Variants in PRDM16 observed in about 807,000 individuals in gnomAD.
PRDM16 encodes the protein histone-lysine N-methyltransferase PRDM16.
A neutral mutation model predicts 110.6 loss-of-function variants in PRDM16; 23 were observed. That is an observed-to-expected ratio of 0.21 (90% confidence interval 0.15 to 0.29). PRDM16 has a LOEUF of 0.29. Ranked by LOEUF, PRDM16 falls within the 10% of genes least tolerant of loss-of-function variation. The pLI is 1.00. For missense variants in PRDM16, 1,615 were observed against 1,794.3 expected, an observed-to-expected ratio of 0.90 and a Z score of 1.81; for synonymous variants, 799 against 781.8, an observed-to-expected ratio of 1.02 and a Z score of -0.37.
chr1:3,177,823 T>A (rs753530054), intron 1 of PRDM16, among the ~76,000 whole-genome samples: 18 of 152,222 alleles, frequency 1.2e-4, no homozygotes, highest in Non-Finnish European at 2.4e-4. Context: ...TGGCCTGAAC[T>A]GATCAGTAAG....
In PRDM16 at chr1:3,426,138, A is replaced by G; in HGVS notation, c.3197A>G (p.Asp1066Gly). ...TSESDNHALL[D>G]EKEDSYFSEI... ...GAGTCGGACAACCACGCACTTTTAG[A>G]CGAGAAAGAAGACTCTTATTTCTCG... Residue 1066 changes from aspartate to glycine, a missense_variant, in exon 14 of 17, where the codon GAC (aspartate) becomes GGC (glycine). By Grantham distance (94) the Asp-to-Gly change is moderately conservative. Coordinates refer to ENST00000270722, the MANE Select transcript of PRDM16 (RefSeq NM_022114.4). The G allele has an allele frequency of 6.2e-7, 1 of 1,613,924 alleles. No homozygotes were observed. The highest frequency in any genetic ancestry group is 1.1e-5 in the South Asian group (1 of 91,078).
At chr1:3,328,196 T>C (rs536605409) in intron 3 of PRDM16, among the ~76,000 whole-genome samples, 49 of 152,354 alleles carry the variant, frequency 3.2e-4, no homozygotes, top group African/African-American at 1.0e-3. Context: ...ACCACAGCCC[T>C]GTCCACACCC....
chr1:3,199,226 C>T (rs746504269), intron 2 of PRDM16, among the ~76,000 whole-genome samples: 3 of 152,088 alleles, frequency 2.0e-5, no homozygotes, highest in Non-Finnish European at 2.9e-5. Flanking sequence ...CATGGGGTGC[C>T]GCCGAGGAGC....
Position 3,385,128 on chromosome 1 carries a change from C to T in PRDM16, c.439-24C>T, listed in dbSNP as rs1643174235. The T allele has an allele frequency of 1.9e-6, 3 of 1,612,932 alleles. No homozygotes were observed. The East Asian group carries it at 6.7e-5, about 36-fold the overall frequency. ...TCCAGCACACAGGGCACCTCTGACT[C>T]CCGCTTCGCTTTCCTCCCAGCAGAT... On this transcript the variant is annotated intron_variant, in intron 3 of 16. Coordinates refer to ENST00000270722, the MANE Select transcript of PRDM16 (RefSeq NM_022114.4).
Position 3,247,112 on chromosome 1 carries a change from T to G in PRDM16, c.438+2975T>G, listed in dbSNP as rs549093919. 6.6e-5 allele frequency among the ~76,000 whole-genome samples: 10 copies of G among 152,258 alleles called. No individual in the cohort carries two copies. The South Asian group carries it at 2.1e-3, about 32-fold the overall frequency. ...TAGTTTGGGTCACCCAAAGGCACAC[T>G]TGGGAACATTAAAAACCTCATAGGG... On this transcript the variant is annotated intron_variant, in intron 3 of 16. Transcript: ENST00000270722.
rs776479768 is a variant in PRDM16, at chr1:3,411,574, G to A, written c.1377G>A (p.Pro459=). ...ACACGCCGGGCGGCATCTTTGCCCCGGGCCTGCCCTTGACCCCCAGCCCCA... is the reference window on the plus strand; with the variant it reads ...ACACGCCGGGCGGCATCTTTGCCCCAGGCCTGCCCTTGACCCCCAGCCCCA... ...NHYTPGGIFA[P]GLPLTPSPMM... The change falls in exon 9 of 17, where the codon CCG becomes CCA. Residue 459 remains proline (P), a synonymous_variant. Coordinates refer to ENST00000270722, the MANE Select transcript of PRDM16 (RefSeq NM_022114.4). 2.7e-5 allele frequency: 43 copies of A among 1,613,894 alleles called. No homozygotes were observed. In the African/African-American group the frequency reaches 3.7e-4, roughly 14 times the overall value.
At chr1:3,299,311 G>A (rs552692860) in intron 3 of PRDM16, among the ~76,000 whole-genome samples, 13 of 103,008 alleles carry the variant, frequency 1.3e-4, no homozygotes, top group African/African-American at 3.6e-4. Flanking sequence ...TGATGTTTCA[G>A]ATCCCAGTCG....
At chr1:3,096,025 C>T (rs919015770) in intron 1 of PRDM16, among the ~76,000 whole-genome samples, 1 of 152,076 alleles carries the variant, frequency 6.6e-6, no homozygotes, top group Non-Finnish European at 1.5e-5. Flanking sequence ...CCCCACTTTC[C>T]TGCAAAGCCC....
At chr1:3,419,177 C>A (rs1182790877) in intron 12 of PRDM16, among the ~76,000 whole-genome samples, 1 of 152,212 alleles carries the variant, frequency 6.6e-6, no homozygotes, top group Non-Finnish European at 1.5e-5. Flanking sequence ...TCTGGTGGGC[C>A]AGGGAGTGGG....
In PRDM16 at chr1:3,299,374, T is replaced by A; in HGVS notation, c.438+55237T>A. 2.2e-5 allele frequency among the ~76,000 whole-genome samples: 2 copies of A among 91,628 alleles called. 1 individual carries two copies. Among genetic ancestry groups the A allele is most frequent in the Non-Finnish European group, 5.0e-5 (2 of 40,038 alleles). 60.1% of individuals were successfully genotyped at this position (91,628 alleles called of 152,430 possible). On this transcript the variant is annotated intron_variant, in intron 3 of 16. Coordinates refer to ENST00000270722, the MANE Select transcript of PRDM16 (RefSeq NM_022114.4). ...TATGCTGTGGCTGTGATGTTTCAGATCCCAGTTGTGGTGACTCTGCCCTTG... is the reference window on the plus strand; with the variant it reads ...TATGCTGTGGCTGTGATGTTTCAGAACCCAGTTGTGGTGACTCTGCCCTTG...
Position 3,326,021 on chromosome 1 carries a change from CCTTGGCCCTCCTTGGCCATCCTCGGCCCT to C in PRDM16, c.439-59122_439-59094del, listed in dbSNP as rs1557610677. Among the ~76,000 whole-genome samples, 13 of 103,416 alleles carry C rather than the reference CCTTGGCCCTCCTTGGCCATCCTCGGCCCT, an allele frequency of 1.3e-4. 1 individual carries two copies. The highest frequency in any genetic ancestry group is 3.6e-4 in the African/African-American group (7 of 19,576). 67.8% of individuals were successfully genotyped at this position (103,416 alleles called of 152,430 possible). A position where few individuals can be genotyped will look rare whatever the true frequency, so the allele number is the denominator to read the frequency against. On this transcript the variant is annotated intron_variant, in intron 3 of 16. Transcript: ENST00000270722. ...GCCCCCCTTGGCCATCCTCGACCAT[CCTTGGCCCTCCTTGGCCATCCTCGGCCCT>C]CTTGGCCCCCCTTGGCCATCCTCGA... is the stretch of plus-strand genomic sequence containing the variant.
chr1:3,356,178 C>T (rs1259755296), intron 3 of PRDM16, among the ~76,000 whole-genome samples: 2 of 152,244 alleles, frequency 1.3e-5, no homozygotes, highest in East Asian at 1.9e-4. Context: ...CGTCCTTTCG[C>T]ACACCAGCAC....
intron 3 of PRDM16, among the ~76,000 whole-genome samples, chr1:3,283,631 G>T (rs571477662): frequency 1.3e-5 from 2 of 152,260 alleles, no homozygotes; most frequent in South Asian, 4.2e-4. Flanking sequence ...AGGGTTACGG[G>T]GACCAGACCT....
intron 8 of PRDM16, among the ~76,000 whole-genome samples, chr1:3,409,583 C>A (rs967860431): frequency 2.0e-5 from 3 of 152,160 alleles, no homozygotes; most frequent in African/African-American, 7.2e-5. Flanking sequence ...TTGCTGAAAT[C>A]ATTGTTTCCA....
At chr1:3,431,222 C>T in intron 15 of PRDM16, 114 bp downstream of exon 15, 1 of 1,447,976 alleles carries the variant, frequency 6.9e-7, no homozygotes. Flanking sequence ...AGCCCCTACT[C>T]CAGCACAGCC....
intron 1 of PRDM16, 58 bp from the exon 2 acceptor site, chr1:3,186,067 C>A: frequency 7.0e-7 from 1 of 1,436,800 alleles, no homozygotes; most frequent in Non-Finnish European, 9.8e-7. Flanking sequence ...GCTCCCTGAG[C>A]TGTACACACT....
chr1:3,069,211 G>A lies in PRDM16; in HGVS notation c.-49G>A. Reference sequence around the variant, plus strand: ...GCTGGGGAGATGAAGATAGTGTGTGGCTGCTTCTGGACTCAAGGAGGAGGA... The same window carrying A: ...GCTGGGGAGATGAAGATAGTGTGTGACTGCTTCTGGACTCAAGGAGGAGGA... On this transcript the variant is annotated 5_prime_UTR_variant, in exon 1 of 17. Transcript: ENST00000270722. The surrounding 1 kb of genome is among the most constrained non-coding windows in gnomAD (Gnocchi z 6.1). 1 of 1,550,090 alleles carries A rather than the reference G, an allele frequency of 6.5e-7. No individual in the cohort carries two copies. Among genetic ancestry groups the A allele is most frequent in the Non-Finnish European group, 8.8e-7 (1 of 1,135,946 alleles).
At chr1:3,271,436 C>A (rs996047744) in intron 3 of PRDM16, among the ~76,000 whole-genome samples, 1 of 152,188 alleles carries the variant, frequency 6.6e-6, no homozygotes, top group Non-Finnish European at 1.5e-5. Context: ...CCACTCCCAG[C>A]CAAATCCAAA....
At chr1:3,297,813 A>T (rs1458816034) in intron 3 of PRDM16, among the ~76,000 whole-genome samples, 1 of 152,134 alleles carries the variant, frequency 6.6e-6, no homozygotes, top group Non-Finnish European at 1.5e-5. Flanking sequence ...AGAAGAAAAA[A>T]AGTCCAGGGT....
Sources: gnomAD v4.1 joint callset for allele counts (sites outside exome capture counted in the v4.1 genomes callset) on GRCh38, gnomAD v4.1.1 for gene constraint, Gnocchi (gnomAD v3.1) non-coding constraint, MANE v1.5 for transcripts, NCBI Gene and HGNC (gene_info 2026-07-23, HGNC 2026-07-21) for gene names.